PUM2: variants seen among roughly 807,000 people sequenced by gnomAD.
The protein encoded by PUM2 is pumilio homolog 2.
PUM2 carries 57 observed loss-of-function variants against 124.5 expected under a neutral mutation model. The ratio of observed to expected loss-of-function variants is 0.46; its 90% CI spans 0.37 to 0.57. PUM2 has a LOEUF of 0.57. Ranked by LOEUF, PUM2 falls within the 20% of genes least tolerant of loss-of-function variation. The pLI is 0.00. For missense variants in PUM2, 1,065 were observed against 1,290.6 expected (o/e 0.83, Z 2.68); for synonymous variants, 460 against 446.1 (o/e 1.03, Z -0.39).
chr2:20,335,910 G>C (rs945045314), intron 1 of PUM2, among the ~76,000 whole-genome samples: 1 of 152,192 alleles, frequency 6.6e-6, no homozygotes, highest in African/African-American at 2.4e-5. Flanking sequence ...TCTGAAAGGG[G>C]AATCACCATA....
intron 7 of PUM2, 100 bp from the exon 8 acceptor site, chr2:20,297,778 G>T: frequency 3.2e-6 from 4 of 1,243,746 alleles, no homozygotes; most frequent in Non-Finnish European, 4.5e-6. Context: ...TGGTGTGGGG[G>T]TGGGGAGCAG....
intron 1 of PUM2, among the ~76,000 whole-genome samples, chr2:20,335,551 C>T (rs544519917): frequency 1.5e-4 from 23 of 152,294 alleles, no homozygotes; most frequent in Non-Finnish European, 8.8e-5. Context: ...GAACAAGTCA[C>T]TTAGCTAGTG....
At chr2:20,255,411 G>GTT in intron 17 of PUM2, 70 bp from the exon 18 acceptor site, 4 of 1,370,114 alleles carry the variant, frequency 2.9e-6, no homozygotes, top group Non-Finnish European at 3.9e-6. Flanking sequence ...AAGCAGACTG[G>GTT]TTTGTTTTTT....
intron 14 of PUM2, among the ~76,000 whole-genome samples, chr2:20,261,288 G>C (rs912807334): frequency 6.7e-6 from 1 of 150,234 alleles, no homozygotes; most frequent in African/African-American, 2.5e-5. Flanking sequence ...CTACTCAGGA[G>C]GCTGAGGCAG....
chr2:20,290,494 CA>C (rs1177779236), intron 10 of PUM2, among the ~76,000 whole-genome samples, 157 bp downstream of exon 10: 9 of 151,456 alleles, frequency 5.9e-5, no homozygotes, highest in African/African-American at 2.2e-4. Context: ...GTCTCACAAT[CA>C]ATACTGATTT....
At chr2:20,330,042 A>G (rs1325314800) in intron 1 of PUM2, among the ~76,000 whole-genome samples, 1 of 152,104 alleles carries the variant, frequency 6.6e-6, no homozygotes, top group Non-Finnish European at 1.5e-5. Context: ...CATTATAAAA[A>G]CCCTGAAAAT....
intron 1 of PUM2, among the ~76,000 whole-genome samples, chr2:20,344,468 A>G (rs193121171): frequency 1.3e-5 from 2 of 152,320 alleles, no homozygotes; most frequent in East Asian, 1.9e-4. Context: ...ATGATTGTCT[A>G]TATCTTCCTA....
At chr2:20,280,940 T>C (rs1403976283) in intron 12 of PUM2, among the ~76,000 whole-genome samples, 1 of 152,218 alleles carries the variant, frequency 6.6e-6, no homozygotes, top group Non-Finnish European at 1.5e-5. Flanking sequence ...ATGGGGTATT[T>C]AACACTGTTA....
At chr2:20,339,794 C>T (rs1686872054) in intron 1 of PUM2, among the ~76,000 whole-genome samples, 1 of 152,170 alleles carries the variant, frequency 6.6e-6, no homozygotes, top group Non-Finnish European at 1.5e-5. Context: ...GCAGGAGAAT[C>T]ACTTGAACCT....
At chr2:20,330,753 T>C (rs1684737294) in intron 1 of PUM2, among the ~76,000 whole-genome samples, 2 of 152,230 alleles carry the variant, frequency 1.3e-5, no homozygotes, top group Admixed American at 1.3e-4. Context: ...GAGGAACACC[T>C]GATTTACAGC....
chr2:20,306,604 C>CTT (rs752275959), intron 7 of PUM2, among the ~76,000 whole-genome samples: 17 of 126,446 alleles, frequency 1.3e-4, no homozygotes, highest in Admixed American at 2.4e-4. Flanking sequence ...TAAATGTGGA[C>CTT]TTTTTTTTTT....
intron 1 of PUM2, among the ~76,000 whole-genome samples, chr2:20,337,002 G>A: frequency 6.6e-6 from 1 of 152,046 alleles, no homozygotes; most frequent in East Asian, 1.9e-4. Flanking sequence ...GATTCATAAT[G>A]TAATATGAAA....
Position 20,283,052 on chromosome 2 carries a change from A to C in PUM2, c.1615T>G (p.Phe539Val). ...CCAGGTTGACCAGGTCCATGAGAAA[A>C]TAAAGAACTACTCTGGGAGCTATTA... Reference protein sequence around the residue: ...LTNSSQSSSLFSHGPGQPGST... With the variant: ...LTNSSQSSSLVSHGPGQPGST... Residue 539 changes from phenylalanine to valine, a missense_variant, in exon 12 of 21, where the codon TTT becomes GTT. By Grantham distance (50) the Phe-to-Val change is conservative. This residue lies in a region of PUM2 where 968 missense variants were observed against 1,159.8 expected (regional missense o/e 0.83). Transcript: ENST00000361078. 1 of 1,614,122 alleles carries C rather than the reference A, an allele frequency of 6.2e-7. No homozygotes were observed. Among genetic ancestry groups the C allele is most frequent in the South Asian group, 1.1e-5 (1 of 91,078 alleles).
chr2:20,341,115 C>T (rs986814158), intron 1 of PUM2, among the ~76,000 whole-genome samples: 1 of 152,116 alleles, frequency 6.6e-6, no homozygotes, highest in African/African-American at 2.4e-5. Flanking sequence ...TCCAGGAGTT[C>T]AAGACCAGCG....
intron 7 of PUM2, among the ~76,000 whole-genome samples, chr2:20,306,529 G>A (rs935796035): frequency 6.6e-6 from 1 of 151,222 alleles, no homozygotes; most frequent in Non-Finnish European, 1.5e-5. Context: ...GGGGAAAAAA[G>A]GAAAGAGAGG....
chr2:20,254,929 T>C lies in PUM2; in HGVS notation c.2804A>G (p.Asp935Gly), dbSNP rs1365800468. The C allele has an allele frequency of 6.2e-7, 1 of 1,614,016 alleles. No homozygotes were observed. Among genetic ancestry groups the C allele is most frequent in the African/African-American group, 1.3e-5 (1 of 75,068 alleles). The change falls in exon 19 of 21, where the codon GAC becomes GGC. Residue 935 changes from aspartate (D) to glycine (G), a missense_variant. Asp to Gly is a moderately conservative substitution (Grantham distance 94). Transcript: ENST00000361078. Reference sequence around the variant, plus strand: ...GATTTCGGAAACAATTTTGCTCTTGTCTTCAGGTCGACCGTGTTCCAGTAC... The same window carrying C: ...GATTTCGGAAACAATTTTGCTCTTGCCTTCAGGTCGACCGTGTTCCAGTAC... Reference protein sequence around the residue: ...QHVLEHGRPEDKSKIVSEIRG... With the variant: ...QHVLEHGRPEGKSKIVSEIRG...
chr2:20,344,941 C>T (rs899405713), intron 1 of PUM2, among the ~76,000 whole-genome samples: 5 of 138,682 alleles, frequency 3.6e-5, no homozygotes, highest in African/African-American at 1.4e-4. Context: ...TGTGATAGTG[C>T]CACTGCACTC....
chr2:20,290,883 T>C (rs1673906977), intron 9 of PUM2, 93 bp from the exon 10 acceptor site: 2 of 1,037,442 alleles, frequency 1.9e-6, no homozygotes, highest in Non-Finnish European at 2.6e-6. Flanking sequence ...CAAACAGCCT[T>C]TGGATATTTT....
chr2:20,301,871 G>A (rs1677071222), intron 7 of PUM2, among the ~76,000 whole-genome samples: 1 of 152,118 alleles, frequency 6.6e-6, no homozygotes, highest in Non-Finnish European at 1.5e-5. Flanking sequence ...GAGCCACTGT[G>A]CCCAGCCACT....
Sources: gnomAD v4.1 joint callset for allele counts (sites outside exome capture counted in the v4.1 genomes callset) on GRCh38, gnomAD v4.1.1 for gene constraint, gnomAD v4.1.1 regional missense constraint, MANE v1.5 for transcripts, NCBI Gene and HGNC (gene_info 2026-07-23, HGNC 2026-07-21) for gene names.